KIAA1328: variants seen among roughly 807,000 people sequenced by gnomAD.
The protein encoded by KIAA1328 is protein hinderin.
In KIAA1328, 52 loss-of-function variants were observed where a neutral mutation model predicts 68.1. That is an observed-to-expected ratio of 0.76 (90% CI 0.61 to 0.96). KIAA1328 has a LOEUF of 0.96. KIAA1328 is among the 40% of genes least tolerant of loss of function. The pLI is 0.00. For missense variants in KIAA1328, 641 were observed against 677.6 expected, an observed-to-expected ratio of 0.95 and a Z score of 0.60; for synonymous variants, 232 against 239.4, an observed-to-expected ratio of 0.97 and a Z score of 0.28.
chr18:36,867,251 A>C (rs929829716), intron 4 of KIAA1328, among the ~76,000 whole-genome samples: 3 of 152,160 alleles, frequency 2.0e-5, no homozygotes, highest in Non-Finnish European at 2.9e-5. Flanking sequence ...TAGCTTTTAA[A>C]CAACAACAGA....
rs144407722 is a variant in KIAA1328 at position 37,088,270 on chromosome 18, C to T, written c.1232+20725C>T. ...CTTTGCAGCTTCATAGGTTTTATAA[C>T]TTTTTTGTTCTTTTAATATTAATTT... On this transcript the variant is annotated intron_variant, in intron 7 of 9. Transcript: ENST00000280020. Among the ~76,000 whole-genome samples, 1,230 of 152,194 alleles carry T rather than the reference C, an allele frequency of 8.1e-3. 11 individuals are homozygous for T. The highest frequency in any genetic ancestry group is 0.027 in the African/African-American group (1,109 of 41,530).
intron 9 of KIAA1328, among the ~76,000 whole-genome samples, chr18:37,176,231 T>C (rs1253289290): frequency 6.6e-6 from 1 of 152,230 alleles, no homozygotes; most frequent in Non-Finnish European, 1.5e-5. Context: ...TAATAAGTGC[T>C]AGAGACAGTA....
At chr18:37,131,502 G>T (rs2058520006) in intron 7 of KIAA1328, among the ~76,000 whole-genome samples, 1 of 152,090 alleles carries the variant, frequency 6.6e-6, no homozygotes, top group Non-Finnish European at 1.5e-5. Flanking sequence ...ATGCCTGAGT[G>T]ATTATTATAT....
chr18:37,057,097 G>A (rs2046472), intron 6 of KIAA1328, among the ~76,000 whole-genome samples: 16,156 of 152,082 alleles, frequency 0.11, 1,084 homozygotes, highest in Non-Finnish European at 0.13. Context: ...GTTCATTCAT[G>A]TAGCTCATTT....
Position 36,885,569 on chromosome 18 carries a change from A to G in KIAA1328, c.345A>G (p.Glu115=). 1 of 1,554,482 alleles carries G rather than the reference A, an allele frequency of 6.4e-7. No individual in the cohort carries two copies. Among genetic ancestry groups the G allele is most frequent in the South Asian group, 1.2e-5 (1 of 80,310 alleles). Residue 115 remains glutamate (E), a synonymous_variant, in exon 5 of 10, where the codon GAA becomes GAG. Transcript: ENST00000280020. ...TTTTTTATTTCAGAGTAAGTGAGGA[A>G]AAGGAAGTGACAGAGGAAAGACTGA... ...LIKELARVSE[E]KEVTEERLKA...
At chr18:37,161,311 C>T (rs1355447868) in intron 8 of KIAA1328, among the ~76,000 whole-genome samples, 2 of 152,154 alleles carry the variant, frequency 1.3e-5, no homozygotes, top group Non-Finnish European at 2.9e-5. Flanking sequence ...GTGTATATCT[C>T]CCTGCCTCTC....
intron 6 of KIAA1328, among the ~76,000 whole-genome samples, chr18:36,968,010 A>G (rs542378045): frequency 3.9e-5 from 6 of 152,316 alleles, no homozygotes; most frequent in African/African-American, 1.4e-4. Context: ...ACATATTTGG[A>G]AAACATATTT....
intron 5 of KIAA1328, among the ~76,000 whole-genome samples, chr18:36,902,641 C>T (rs760660619): frequency 5.9e-5 from 9 of 152,006 alleles, no homozygotes; most frequent in Non-Finnish European, 1.3e-4. Flanking sequence ...CAGGTATTAT[C>T]CATAAGATAT....
At chr18:37,193,887 G>A (rs185868291) in intron 9 of KIAA1328, among the ~76,000 whole-genome samples, 41 of 152,236 alleles carry the variant, frequency 2.7e-4, no homozygotes, top group African/African-American at 9.9e-4. Flanking sequence ...CTAGTTTCCC[G>A]CATGTCCTTT....
intron 5 of KIAA1328, among the ~76,000 whole-genome samples, chr18:36,953,423 GAT>G (rs2051257121): frequency 2.0e-5 from 3 of 146,558 alleles, no homozygotes; most frequent in African/African-American, 2.6e-5. Context: ...GATAGATAGA[GAT>G]AGATAGATAT....
intron 6 of KIAA1328, among the ~76,000 whole-genome samples, chr18:37,025,920 T>C (rs558691637): frequency 6.6e-6 from 1 of 152,142 alleles, no homozygotes; most frequent in South Asian, 2.1e-4. Flanking sequence ...CTTCAAAAAA[T>C]CAATGAATCC....
At chr18:37,201,293 A>C (rs1451960882) in intron 9 of KIAA1328, among the ~76,000 whole-genome samples, 1 of 152,228 alleles carries the variant, frequency 6.6e-6, no homozygotes, top group Non-Finnish European at 1.5e-5. Context: ...AAATGGAAAA[A>C]TAATCTATTC....
At chr18:36,948,908 T>TA (rs2051025577) in intron 5 of KIAA1328, among the ~76,000 whole-genome samples, 2 of 152,232 alleles carry the variant, frequency 1.3e-5, no homozygotes, top group Non-Finnish European at 2.9e-5. Context: ...TTCAGCCTGA[T>TA]ATGTTTCACT....
downstream of KIAA1328, chr18:37,230,665 C>T (rs1456812120): frequency 6.6e-6 from 1 of 152,120 alleles, no homozygotes; most frequent in Non-Finnish European, 1.5e-5. Context: ...TTTAACAATT[C>T]TGTGGCCCCA....
intron 6 of KIAA1328, among the ~76,000 whole-genome samples, chr18:37,026,227 A>G (rs2054573262): frequency 1.3e-5 from 2 of 152,216 alleles, no homozygotes; most frequent in Admixed American, 1.3e-4. Flanking sequence ...TCAGGCAATA[A>G]TTAATAGCTT....
At chr18:37,069,612 T>G (rs1460376878) in intron 7 of KIAA1328, among the ~76,000 whole-genome samples, 7 of 152,152 alleles carry the variant, frequency 4.6e-5, no homozygotes, top group African/African-American at 1.7e-4. Context: ...TTTAAATGTT[T>G]AGTAGAATTC....
chr18:36,836,343 T>G (rs142881674), intron 3 of KIAA1328, among the ~76,000 whole-genome samples: 15 of 152,318 alleles, frequency 9.8e-5, no homozygotes, highest in African/African-American at 2.9e-4. Context: ...AACAATAGCC[T>G]TCTTTTAGAT....
In KIAA1328 at chr18:37,225,333, C is replaced by A; in HGVS notation, c.*3106C>A. ...AAATCATCTCTATGGCTATTTTCCCCATGTGGGTTTGATATTGAATTGTCC... is the reference window on the plus strand; with the variant it reads ...AAATCATCTCTATGGCTATTTTCCCAATGTGGGTTTGATATTGAATTGTCC... On this transcript the variant is annotated 3_prime_UTR_variant, in exon 10 of 10. Transcript: ENST00000280020. 1.0e-6 allele frequency: 1 copy of A among 984,708 alleles called. No individual in the cohort carries two copies. Among genetic ancestry groups the A allele is most frequent in the African/African-American group, 1.7e-5 (1 of 57,342 alleles). 61.0% of individuals were successfully genotyped at this position (984,708 alleles called of 1,614,324 possible).
At chr18:36,904,224 A>G (rs2057451669) in intron 5 of KIAA1328, among the ~76,000 whole-genome samples, 1 of 152,258 alleles carries the variant, frequency 6.6e-6, no homozygotes, top group Middle Eastern at 3.4e-3. Flanking sequence ...CATAATATTA[A>G]TGGAAGTGGA....
Sources: allele counts gnomAD v4.1 joint callset (sites outside exome capture counted in the v4.1 genomes callset), GRCh38; gene constraint gnomAD v4.1.1; transcripts MANE v1.5; gene names NCBI Gene and HGNC (gene_info 2026-07-23, HGNC 2026-07-21).